The following CLASP1 variants were observed in gnomAD, a reference collection of about 807,000 sequenced individuals.
CLASP1 encodes the protein CLIP-associating protein 1.
Under a neutral mutation model 192.3 loss-of-function variants are expected in CLASP1, and 38 were observed. The observed-to-expected ratio is 0.20, with a 90% CI of 0.15 to 0.26. CLASP1 has a LOEUF of 0.26. CLASP1 is among the 10% of genes least tolerant of loss of function. CLASP1 has a pLI of 1.00. For missense variants in CLASP1, 1,433 were observed against 1,932.5 expected (o/e 0.74, Z 4.85); for synonymous variants, 691 against 712.8 (o/e 0.97, Z 0.49).
rs1282594297 is a variant in CLASP1, at chr2:121,408,928, T to G, written c.2425-1213A>C. 2.0e-5 allele frequency: 19 copies of G among 942,366 alleles called. No homozygotes were observed. The Middle Eastern group carries it at 8.3e-4, about 41-fold the overall frequency. The allele number at this position is 942,366 out of a possible 1,614,324, so 58.4% of individuals were successfully genotyped here. A position where few individuals can be genotyped will look rare whatever the true frequency, so the allele number is the denominator to read the frequency against. On this transcript the variant is annotated intron_variant, in intron 24 of 39. Transcript: ENST00000263710. ...CAAAATCATATTTCAGACCAGAATT[T>G]CTATACTACATTTTTTGGTTTTCAC...
At chr2:121,614,602 CGTAT>C (rs2066159327) in intron 1 of CLASP1, among the ~76,000 whole-genome samples, 1 of 152,170 alleles carries the variant, frequency 6.6e-6, no homozygotes. Flanking sequence ...CAATCTAACA[CGTAT>C]GTACTCAATG....
At chr2:121,466,769 A>G (rs2089671773) in intron 9 of CLASP1, among the ~76,000 whole-genome samples, 1 of 152,218 alleles carries the variant, frequency 6.6e-6, no homozygotes, top group Non-Finnish European at 1.5e-5. Flanking sequence ...CTCACAAGGA[A>G]CCATGTTGCT....
chr2:121,418,566 C>T (rs1245430240), intron 23 of CLASP1, 56 bp downstream of exon 23: 17 of 1,240,000 alleles, frequency 1.4e-5, no homozygotes, highest in South Asian at 7.2e-5. Flanking sequence ...AGCAGTGTCT[C>T]GGACAAGCAG....
chr2:121,481,417 G>A (rs1448058011), intron 8 of CLASP1, among the ~76,000 whole-genome samples: 2 of 152,128 alleles, frequency 1.3e-5, no homozygotes, highest in Non-Finnish European at 2.9e-5. Context: ...CTCTAGAACT[G>A]ATTCCAAAGG....
At chr2:121,608,615 C>T (rs1253581446) in intron 1 of CLASP1, among the ~76,000 whole-genome samples, 2 of 152,222 alleles carry the variant, frequency 1.3e-5, no homozygotes, top group Middle Eastern at 3.4e-3. Flanking sequence ...AGTCGTCATC[C>T]GACTGCAGTT....
chr2:121,515,605 G>T, intron 7 of CLASP1, 60 bp downstream of exon 7: 3 of 1,241,300 alleles, frequency 2.4e-6, no homozygotes, highest in Non-Finnish European at 3.5e-6. Context: ...GATATTAACT[G>T]GAAAACAAAG....
chr2:121,374,068 C>A (rs2069390904), intron 34 of CLASP1, among the ~76,000 whole-genome samples: 1 of 152,256 alleles, frequency 6.6e-6, no homozygotes, highest in African/African-American at 2.4e-5. Context: ...GGCAGCCCCT[C>A]CCATCACAGA....
intron 8 of CLASP1, among the ~76,000 whole-genome samples, chr2:121,499,807 C>T (rs927301582): frequency 1.3e-5 from 2 of 150,542 alleles, no homozygotes; most frequent in African/African-American, 4.9e-5. Flanking sequence ...TCTATTCCTG[C>T]TCTGGGAAAA....
intron 22 of CLASP1, among the ~76,000 whole-genome samples, chr2:121,419,002 G>A (rs1202048071): frequency 6.6e-6 from 1 of 152,110 alleles, no homozygotes; most frequent in Non-Finnish European, 1.5e-5. Context: ...GAAGTGAAAA[G>A]AAATCTTTCT....
At position 121,406,757 on chromosome 2, in the gene CLASP1, T is replaced by C. The variant is rs184897850; in HGVS notation, c.2669+714A>G. On this transcript the variant is annotated intron_variant, in intron 25 of 39. Transcript: ENST00000263710. ...GATGCATATCACCACATCCGGCTAA[T>C]GTTTTAACTTTTTTGTAGAGATGGG... Among the ~76,000 whole-genome samples the C allele has an allele frequency of 2.1e-3, 322 of 152,184 alleles. 1 individual carries two copies. The highest frequency in any genetic ancestry group is 7.4e-3 in the African/African-American group (309 of 41,538).
intron 24 of CLASP1, among the ~76,000 whole-genome samples, chr2:121,408,774 T>G (rs763680101): frequency 1.8e-4 from 27 of 152,136 alleles, no homozygotes; most frequent in Non-Finnish European, 2.6e-4. Flanking sequence ...GTTAATAAAA[T>G]GAAACACTAC....
At chr2:121,472,990 A>G (rs2091025901) in intron 8 of CLASP1, among the ~76,000 whole-genome samples, 1 of 152,266 alleles carries the variant, frequency 6.6e-6, no homozygotes, top group South Asian at 2.1e-4. Context: ...TATTCCTAAA[A>G]GAAATATAAC....
intron 2 of CLASP1, among the ~76,000 whole-genome samples, chr2:121,533,643 T>TA (rs1414405111): frequency 2.0e-5 from 3 of 152,324 alleles, no homozygotes; most frequent in African/African-American, 7.2e-5. Flanking sequence ...AAGTCACGAA[T>TA]AAAAGTCAAT....
intron 7 of CLASP1, among the ~76,000 whole-genome samples, chr2:121,510,174 G>A (rs529300651): frequency 6.6e-6 from 1 of 152,172 alleles, no homozygotes; most frequent in South Asian, 2.1e-4. Flanking sequence ...AAAAAGACAA[G>A]TACATCAAAC....
At chr2:121,464,739 G>T (rs1182271349) in intron 9 of CLASP1, among the ~76,000 whole-genome samples, 1 of 152,046 alleles carries the variant, frequency 6.6e-6, no homozygotes, top group Non-Finnish European at 1.5e-5. Flanking sequence ...TGTAGATTCT[G>T]GATATTAGCC....
chr2:121,607,726 C>T (rs1172741427), intron 1 of CLASP1, among the ~76,000 whole-genome samples: 5 of 152,112 alleles, frequency 3.3e-5, no homozygotes, highest in Non-Finnish European at 5.9e-5. Context: ...TTCAAAGTTT[C>T]CAGAAAACAT....
chr2:121,362,108 C>T (rs750806510), intron 37 of CLASP1, among the ~76,000 whole-genome samples: 3 of 152,230 alleles, frequency 2.0e-5, no homozygotes, highest in Admixed American at 6.5e-5. Flanking sequence ...CCTTCATCCA[C>T]GAGTGTGCTC....
chr2:121,555,988 CTTTTTTTTTTTTTTTTT>C (rs34423741), intron 2 of CLASP1, among the ~76,000 whole-genome samples: 62 of 42,396 alleles, frequency 1.5e-3, no homozygotes, highest in African/African-American at 6.3e-3. Context: ...CTACCCACCG[CTTTTTTTTTTTTTTTTT>C]TTTTTTTTTT....
intron 2 of CLASP1, among the ~76,000 whole-genome samples, chr2:121,543,063 A>G (rs1400555029): frequency 6.6e-6 from 1 of 152,260 alleles, no homozygotes; most frequent in Non-Finnish European, 1.5e-5. Flanking sequence ...CAAATGCAGA[A>G]CAGGACTTTT....
Sources: gnomAD v4.1 joint callset for allele counts (sites outside exome capture counted in the v4.1 genomes callset) on GRCh38, gnomAD v4.1.1 for gene constraint, MANE v1.5 for transcripts, NCBI Gene and HGNC (gene_info 2026-07-23, HGNC 2026-07-21) for gene names.